ZNF419: variants seen among roughly 807,000 people sequenced by gnomAD.
ZNF419 encodes the protein zinc finger protein 419A.
ZNF419 carries 8 observed loss-of-function variants against 14.9 expected under a neutral mutation model. That is an observed-to-expected ratio of 0.54 (90% CI 0.32 to 0.97). ZNF419 has a LOEUF of 0.97. Ranked by LOEUF, ZNF419 falls within the 50% of genes least tolerant of loss-of-function variation. The pLI, the probability that ZNF419 is intolerant of heterozygous loss-of-function variation, is 0.04. For missense variants in ZNF419, 595 were observed against 607.2 expected (o/e 0.98, Z 0.21); for synonymous variants, 211 against 205.3 (o/e 1.03, Z -0.24).
Position 57,490,199 on chromosome 19 carries a change from G to T in ZNF419, c.72+14G>T. On this transcript the variant is annotated intron_variant, in intron 2 of 4. Coordinates refer to ENST00000221735, the MANE Select transcript of ZNF419 (RefSeq NM_024691.4). ...GACCATGAGGAGGTAAGTGGAGGAT[G>T]TCTCAGGTCCTCACACTCCTGCACT... 1 of 1,612,686 alleles carries T rather than the reference G, an allele frequency of 6.2e-7. No individual in the cohort carries two copies. Among genetic ancestry groups the T allele is most frequent in the Non-Finnish European group, 8.5e-7 (1 of 1,179,322 alleles).
At chr19:57,492,754 G>C in intron 4 of ZNF419, 102 bp from the exon 5 acceptor site, 1 of 1,451,198 alleles carries the variant, frequency 6.9e-7, no homozygotes. Flanking sequence ...TCTGCTAGCA[G>C]CCCCAGGCAC....
rs753648392 is a variant in ZNF419 at position 57,493,057 on chromosome 19, C to A, written c.500C>A (p.Ala167Asp). ...TTGCAAAGCAGGGAGGTTGGGAAGG[C>A]CCTCCTGATCAGCTCAGGTGTTCTC... ...KSLQSREVGK[A>D]LLISSGVLKH... Residue 167 changes from alanine to aspartate, a missense_variant, in exon 5 of 5, where the codon GCC becomes GAC. Coordinates refer to ENST00000221735, the MANE Select transcript of ZNF419 (RefSeq NM_024691.4). 26 of 1,614,004 alleles carry A rather than the reference C, an allele frequency of 1.6e-5. No individual in the cohort carries two copies. Among genetic ancestry groups the A allele is most frequent in the South Asian group, 4.4e-5 (4 of 91,062 alleles).
In ZNF419 at chr19:57,495,345, T is replaced by C. The variant is rs1357690238; in HGVS notation, c.*1255T>C. 2.0e-5 allele frequency: 3 copies of C among 152,196 alleles called. No homozygotes were observed. Among genetic ancestry groups the C allele is most frequent in the Admixed American group, 6.5e-5 (1 of 15,270 alleles). 9.4% of individuals were successfully genotyped at this position (152,196 alleles called of 1,614,324 possible). A position where few individuals can be genotyped will look rare whatever the true frequency, so the allele number is the denominator to read the frequency against. The stretch of plus-strand genomic sequence containing the variant: ...TCTTTCCTAGAGCAGATTGTCTTAA[T>C]TTTATGGAGCCCAATTTATCCATTT... On this transcript the variant is annotated 3_prime_UTR_variant, in exon 5 of 5. Transcript: ENST00000221735.
Position 57,492,913 on chromosome 19 carries a change from T to A in ZNF419, c.356T>A (p.Leu119Gln), listed in dbSNP as rs1181685765. Reference protein sequence around the residue: ...EAPEQIASVGLLSSNIQQHQK... With the variant: ...EAPEQIASVGQLSSNIQQHQK... ...CCTGAGCAGATTGCTTCTGTAGGAC[T>A]GCTCAGTTCAAACATTCAGCAACAC... The change falls in exon 5 of 5, where the codon CTG (leucine) becomes CAG (glutamine). Residue 119 changes from leucine (L) to glutamine (Q), a missense_variant. Transcript: ENST00000221735. 3.7e-6 allele frequency: 6 copies of A among 1,614,202 alleles called. No homozygotes were observed. The highest frequency in any genetic ancestry group is 8.5e-7 in the Non-Finnish European group (1 of 1,180,028).
intron 1 of ZNF419, 29 bp downstream of exon 1, chr19:57,488,012 C>G: frequency 1.2e-6 from 2 of 1,613,238 alleles, no homozygotes; most frequent in Non-Finnish European, 1.7e-6. Context: ...TGGCCTCCCC[C>G]GAATCCTAAA....
chr19:57,492,947 G>A lies in ZNF419; in HGVS notation c.390G>A (p.Gln130=), dbSNP rs1295318633. ...LSSNIQQHQK[Q]HCGEKPLKRQ... ...CAAACATTCAGCAACACCAGAAGCA[G>A]CACTGTGGAGAGAAACCCTTAAAAA... Residue 130 remains glutamine, a synonymous_variant, in exon 5 of 5, where the codon CAG becomes CAA. Transcript: ENST00000221735. 2 of 1,614,218 alleles carry A rather than the reference G, an allele frequency of 1.2e-6. No individual in the cohort carries two copies. Among genetic ancestry groups the A allele is most frequent in the Admixed American group, 1.7e-5 (1 of 60,020 alleles).
At position 57,493,844 on chromosome 19, in the gene ZNF419, C is replaced by T; in HGVS notation, c.1287C>T (p.Cys429=). The stretch of plus-strand genomic sequence containing the variant: ...ACACTGGAGCAAAGCCTTATGAGTG[C>T]AGGGAATGTGGGAAATTTTTTAGCC... ...RVHTGAKPYE[C]RECGKFFSQS... is the part of the protein sequence containing the mutation. The change falls in exon 5 of 5, where the codon TGC becomes TGT. Residue 429 remains cysteine, a synonymous_variant. Transcript: ENST00000221735. The T allele has an allele frequency of 6.2e-7, 1 of 1,613,966 alleles. No individual in the cohort carries two copies. Among genetic ancestry groups the T allele is most frequent in the Non-Finnish European group, 8.5e-7 (1 of 1,179,932 alleles).
Position 57,492,762 on chromosome 19 carries a change from C to T in ZNF419, c.299-94C>T, listed in dbSNP as rs377233766. The T allele has an allele frequency of 1.7e-5, 25 of 1,485,170 alleles. 1 individual carries two copies. The highest frequency in any genetic ancestry group is 2.3e-5 in the East Asian group (1 of 44,250). 92.0% of individuals were successfully genotyped at this position (1,485,170 alleles called of 1,614,324 possible). ...CTTTATTTCTGCTAGCAGCCCCAGG[C>T]ACTAATTACTGGGTGTGTTAGACAC... On this transcript the variant is annotated intron_variant, in intron 4 of 4. Coordinates refer to ENST00000221735, the MANE Select transcript of ZNF419 (RefSeq NM_024691.4).
Position 57,490,228 on chromosome 19 carries a change from A to T in ZNF419, c.72+43A>T, listed in dbSNP as rs772347876. On this transcript the variant is annotated intron_variant, in intron 2 of 4. Coordinates refer to ENST00000221735, the MANE Select transcript of ZNF419 (RefSeq NM_024691.4). ...CAGGTCCTCACACTCCTGCACTCCT[A>T]CCTACATGGTCTTCAGAATTATGGT... 14 of 1,589,088 alleles carry T rather than the reference A, an allele frequency of 8.8e-6. No individual in the cohort carries two copies. The South Asian group carries it at 1.5e-4, about 17-fold the overall frequency.
intron 4 of ZNF419, chr19:57,492,617 T>A: frequency 4.0e-6 from 3 of 756,616 alleles, no homozygotes; most frequent in Non-Finnish European, 7.2e-6. Context: ...GGACACTGCC[T>A]CTCCTCCCTG....
In ZNF419 at chr19:57,494,281, C is replaced by T; in HGVS notation, c.*191C>T. ...TTTCAGCCAAAGGCCTAACCCTATT[C>T]AACACCAGAAAGTTTACACTGGAGA... On this transcript the variant is annotated 3_prime_UTR_variant, in exon 5 of 5. Transcript: ENST00000221735. 1 of 841,516 alleles carries T rather than the reference C, an allele frequency of 1.2e-6. No individual in the cohort carries two copies. The highest frequency in any genetic ancestry group is 1.7e-5 in the African/African-American group (1 of 58,426). 52.1% of individuals were successfully genotyped at this position (841,516 alleles called of 1,614,324 possible). A position where few individuals can be genotyped will look rare whatever the true frequency, so the allele number is the denominator to read the frequency against.
intron 2 of ZNF419, chr19:57,491,152 G>T (rs963865960): frequency 2.5e-6 from 1 of 392,884 alleles, no homozygotes; most frequent in South Asian, 2.7e-5. Context: ...TTGTACTGGG[G>T]GCTTCAGGGA....
At chr19:57,492,707 G>A (rs373989562) in intron 4 of ZNF419, 149 bp from the exon 5 acceptor site, 6 of 1,117,758 alleles carry the variant, frequency 5.4e-6, no homozygotes. Flanking sequence ...GCACTGCACA[G>A]CAGGCCCTTC....
chr19:57,488,002 T>C lies in ZNF419; in HGVS notation c.33+19T>C, dbSNP rs2158011. ...CGCTCAGGTGAGCGCCGCGTCCTCC[T>C]GGCCTCCCCCGAATCCTAAAGCCCT... On this transcript the variant is annotated intron_variant, in intron 1 of 4. Coordinates refer to ENST00000221735, the MANE Select transcript of ZNF419 (RefSeq NM_024691.4). 3.5e-3 allele frequency: 5,708 copies of C among 1,612,996 alleles called. 135 individuals carry two copies. In the African/African-American group the frequency reaches 0.056, roughly 16 times the overall value.
At position 57,487,966 on chromosome 19, in the gene ZNF419, C is replaced by T. The variant is rs748945108; in HGVS notation, c.16C>T (p.Leu6=). 5 of 1,613,676 alleles carry T rather than the reference C, an allele frequency of 3.1e-6. No individual in the cohort carries two copies. In the African/African-American group the frequency reaches 4.0e-5, roughly 13 times the overall value. MAAAA[L]RDPAQVPVAA... ...ACAGGCTCCGATGGCGGCGGCCGCC[C>T]TGAGGGACCCCGCTCAGGTGAGCGC... The change falls in exon 1 of 5, where the codon CTG becomes TTG. Residue 6 remains leucine, a synonymous_variant. Coordinates refer to ENST00000221735, the MANE Select transcript of ZNF419 (RefSeq NM_024691.4).
In ZNF419 at chr19:57,492,120, A is replaced by G. The variant is rs2074070; in HGVS notation, c.207A>G (p.Ala69=). 0.37 allele frequency: 590,264 copies of G among 1,607,320 alleles called. 112,215 individuals are homozygous for G. Among genetic ancestry groups the G allele is most frequent in the East Asian group, 0.61 (27,149 of 44,532 alleles). ...NFTLLASLGL[A]SSKTHEITQL... Reference sequence around the variant, plus strand: ...ACCTGTCGTTTTCCTTAGGACTTGCATCTTCCAAGACCCATGAAATAACCC... The same window carrying G: ...ACCTGTCGTTTTCCTTAGGACTTGCGTCTTCCAAGACCCATGAAATAACCC... Residue 69 remains alanine (A), a synonymous_variant, in exon 4 of 5, where the codon GCA becomes GCG. Transcript: ENST00000221735.
rs2089577068 is a variant in ZNF419 at position 57,494,173 on chromosome 19, T to C, written c.*83T>C. 2.0e-6 allele frequency: 3 copies of C among 1,519,282 alleles called. No homozygotes were observed. Among genetic ancestry groups the C allele is most frequent in the Non-Finnish European group, 2.6e-6 (3 of 1,137,078 alleles). 94.1% of individuals were successfully genotyped at this position (1,519,282 alleles called of 1,614,324 possible). On this transcript the variant is annotated 3_prime_UTR_variant, in exon 5 of 5. Transcript: ENST00000221735. ...TGGAAAAAATCTTGAAGGTAACAGA[T>C]GGAAATCCGTTAGCCACACCTCCAG... is the stretch of plus-strand genomic sequence containing the variant.
chr19:57,493,237 G>A lies in ZNF419; in HGVS notation c.680G>A (p.Gly227Glu). ...GTTCAGCACCAGAGACTACATGCTG[G>A]GAAAAAGACGTATGAATGCAGTGAA... Reference protein sequence around the residue: ...LLVQHQRLHAGKKTYECSECG... With the variant: ...LLVQHQRLHAEKKTYECSECG... The change falls in exon 5 of 5, where the codon GGG becomes GAG. Residue 227 changes from glycine (G) to glutamate (E), a missense_variant. Gly to Glu is a moderately conservative substitution (Grantham distance 98). Transcript: ENST00000221735. 1.9e-6 allele frequency: 3 copies of A among 1,614,198 alleles called. No individual in the cohort carries two copies. The highest frequency in any genetic ancestry group is 2.5e-6 in the Non-Finnish European group (3 of 1,180,036).
chr19:57,494,300 C>CTGGAGAAAGGCCTTAGGGTGACAGGTTAT lies in ZNF419; in HGVS notation c.*211_*239dup. 1 of 703,358 alleles carries CTGGAGAAAGGCCTTAGGGTGACAGGTTAT rather than the reference C, an allele frequency of 1.4e-6. No individual in the cohort carries two copies. The highest frequency in any genetic ancestry group is 2.2e-6 in the Non-Finnish European group (1 of 450,678). 43.6% of individuals were successfully genotyped at this position (703,358 alleles called of 1,614,324 possible). On this transcript the variant is annotated 3_prime_UTR_variant, in exon 5 of 5. Coordinates refer to ENST00000221735, the MANE Select transcript of ZNF419 (RefSeq NM_024691.4). ...CCTATTCAACACCAGAAAGTTTACA[C>CTGGAGAAAGGCCTTAGGGTGACAGGTTAT]TGGAGAAAGGCCTTAGGGTGACAGG...
Sources: allele counts gnomAD v4.1 joint callset, GRCh38; gene constraint gnomAD v4.1.1; transcripts MANE v1.5; gene names NCBI Gene and HGNC (gene_info 2026-07-23, HGNC 2026-07-21).